The following MZT1 variants were observed in gnomAD, a reference collection of about 807,000 sequenced individuals.
The protein encoded by MZT1 is mitotic-spindle organizing protein 1.
In MZT1, 8 loss-of-function variants were observed where a neutral mutation model predicts 8.5. That is an observed-to-expected ratio of 0.94 (90% confidence interval 0.55 to 1.70). The LOEUF is 1.70. MZT1 is among the 40% of genes most tolerant of loss of function. The probability of loss-of-function intolerance (pLI) is 0.00; values close to 1 mark genes in which losing one functional copy is unlikely to be tolerated. For synonymous variants in MZT1, 38 were observed against 42.0 expected (o/e 0.90, Z 0.37); for missense variants, 93 against 108.6 (o/e 0.86, Z 0.64).
At chr13:72,712,726 A>G (rs2032499801) in intron 2 of MZT1, among the ~76,000 whole-genome samples, 1 of 152,216 alleles carries the variant, frequency 6.6e-6, no homozygotes, top group African/African-American at 2.4e-5. Flanking sequence ...ATTTTGCCTA[A>G]GAAAATGCTA....
intron 2 of MZT1, among the ~76,000 whole-genome samples, chr13:72,715,573 T>C (rs1437203159): frequency 1.3e-5 from 2 of 152,212 alleles, no homozygotes; most frequent in Admixed American, 1.3e-4. Flanking sequence ...ATTTCCAATG[T>C]TGTAATCTCC....
intron 2 of MZT1, among the ~76,000 whole-genome samples, chr13:72,713,662 T>A (rs1020580395): frequency 6.6e-6 from 1 of 152,210 alleles, no homozygotes; most frequent in African/African-American, 2.4e-5. Context: ...CACAGCTGGT[T>A]GAATCCATGG....
chr13:72,718,563 C>T (rs933608004), intron 2 of MZT1, among the ~76,000 whole-genome samples: 22 of 151,952 alleles, frequency 1.4e-4, no homozygotes, highest in African/African-American at 4.6e-4. Context: ...GCAAGCTCCG[C>T]GCCTCCTGGG....
At chr13:72,717,337 C>CTT (rs1172063809) in intron 2 of MZT1, among the ~76,000 whole-genome samples, 133 of 110,966 alleles carry the variant, frequency 1.2e-3, no homozygotes, top group African/African-American at 3.9e-3. Flanking sequence ...CTGTCACTTT[C>CTT]TTTTTTTTTT....
chr13:72,727,629 G>C lies in MZT1; in HGVS notation c.-27C>G. Reference sequence around the variant, plus strand: ...GCTAAGGCCGAGGGAGGCGGGAGAAGGGCCTGACCCGGAACTGGAGCGCCT... The same window carrying C: ...GCTAAGGCCGAGGGAGGCGGGAGAACGGCCTGACCCGGAACTGGAGCGCCT... On this transcript the variant is annotated 5_prime_UTR_variant, in exon 1 of 3. Transcript: ENST00000377818. The C allele has an allele frequency of 1.3e-6, 2 of 1,564,542 alleles. No homozygotes were observed. The highest frequency in any genetic ancestry group is 1.2e-5 in the South Asian group (1 of 86,434).
intron 1 of MZT1, among the ~76,000 whole-genome samples, chr13:72,722,801 T>C (rs1279332139): frequency 1.3e-5 from 2 of 152,352 alleles, no homozygotes; most frequent in East Asian, 3.8e-4. Flanking sequence ...CTCTTCCTAA[T>C]CAATGGAGAC....
chr13:72,714,923 T>C (rs1482932342), intron 2 of MZT1, among the ~76,000 whole-genome samples: 4 of 152,008 alleles, frequency 2.6e-5, no homozygotes, highest in Non-Finnish European at 4.4e-5. Context: ...AAATATGGGG[T>C]TGGAGCCCCT....
At chr13:72,717,345 T>TC (rs1344703659) in intron 2 of MZT1, among the ~76,000 whole-genome samples, 9 of 151,314 alleles carry the variant, frequency 5.9e-5, no homozygotes, top group African/African-American at 2.2e-4. Flanking sequence ...TTCTTTTTTT[T>TC]TTTTTTTTTT....
chr13:72,718,894 A>C (rs767207722), intron 2 of MZT1, 58 bp downstream of exon 2: 23 of 1,461,954 alleles, frequency 1.6e-5, no homozygotes, highest in Non-Finnish European at 2.0e-5. Context: ...CTTCATCATT[A>C]ATCATTTTTC....
At chr13:72,718,595 A>G (rs944436176) in intron 2 of MZT1, among the ~76,000 whole-genome samples, 1 of 151,892 alleles carries the variant, frequency 6.6e-6, no homozygotes, top group Non-Finnish European at 1.5e-5. Flanking sequence ...CTCCTGCCTC[A>G]GCCTCCCAAG....
intron 1 of MZT1, among the ~76,000 whole-genome samples, chr13:72,724,739 TA>T (rs2032626098): frequency 2.4e-5 from 1 of 41,380 alleles, no homozygotes; most frequent in Non-Finnish European, 5.9e-5. Context: ...TATATATATA[TA>T]CACATATATA....
chr13:72,726,328 G>A (rs2032656442), intron 1 of MZT1, among the ~76,000 whole-genome samples: 2 of 152,160 alleles, frequency 1.3e-5, no homozygotes, highest in African/African-American at 2.4e-5. Flanking sequence ...CTACTCCAGA[G>A]GCTGAGGCAG....
At chr13:72,723,919 T>C (rs549148220) in intron 1 of MZT1, among the ~76,000 whole-genome samples, 5 of 152,308 alleles carry the variant, frequency 3.3e-5, no homozygotes, top group Admixed American at 1.3e-4. Context: ...AAGGACACAG[T>C]GTTTAGCAAA....
chr13:72,721,291 T>C (rs1324377950), intron 1 of MZT1, among the ~76,000 whole-genome samples: 1 of 152,250 alleles, frequency 6.6e-6, no homozygotes, highest in Non-Finnish European at 1.5e-5. Context: ...ATTCCCCTTA[T>C]GATTGAGGTA....
intron 1 of MZT1, among the ~76,000 whole-genome samples, chr13:72,725,066 A>G (rs2032634563): frequency 6.6e-6 from 1 of 151,764 alleles, no homozygotes; most frequent in South Asian, 2.1e-4. Flanking sequence ...AAAAAAAAAA[A>G]ATAGTGCTAT....
At chr13:72,727,204 C>T (rs1337252755) in intron 1 of MZT1, among the ~76,000 whole-genome samples, 1 of 152,190 alleles carries the variant, frequency 6.6e-6, no homozygotes, top group Non-Finnish European at 1.5e-5. Context: ...GACGCTGTCA[C>T]CGCAGGAGAT....
chr13:72,714,732 A>G (rs1194453586), intron 2 of MZT1, among the ~76,000 whole-genome samples: 1 of 152,236 alleles, frequency 6.6e-6, no homozygotes, highest in Non-Finnish European at 1.5e-5. Flanking sequence ...GATCCAAGAC[A>G]TAAGCCTTGG....
At chr13:72,711,330 G>A (rs2138005337) in intron 2 of MZT1, among the ~76,000 whole-genome samples, 1 of 152,264 alleles carries the variant, frequency 6.6e-6, no homozygotes, top group African/African-American at 2.4e-5. Context: ...TGGGAGATAT[G>A]TATAAAGTGG....
chr13:72,710,220 C>T lies in MZT1; in HGVS notation c.*102G>A. ...TCTTTTAAAAAGTAAAATTTTTCTA[C>T]ACTGCTGCATGCAGTAATTTCATTG... is the stretch of plus-strand genomic sequence containing the variant. On this transcript the variant is annotated 3_prime_UTR_variant, in exon 3 of 3. Coordinates refer to ENST00000377818, the MANE Select transcript of MZT1 (RefSeq NM_001071775.3). The T allele has an allele frequency of 8.2e-7, 1 of 1,219,256 alleles. No individual in the cohort carries two copies. Among genetic ancestry groups the T allele is most frequent in the Non-Finnish European group, 1.2e-6 (1 of 847,854 alleles). 75.5% of individuals were successfully genotyped at this position (1,219,256 alleles called of 1,614,324 possible).
Sources: allele counts gnomAD v4.1 joint callset (sites outside exome capture counted in the v4.1 genomes callset), GRCh38; gene constraint gnomAD v4.1.1; transcripts MANE v1.5; gene names NCBI Gene and HGNC (gene_info 2026-07-23, HGNC 2026-07-21).